SLC35F2: variants seen among roughly 807,000 people sequenced by gnomAD.
SLC35F2 encodes solute carrier family 35 member F2, also known as queuine/queuosine transporter SLC35F2.
SLC35F2 carries 25 observed loss-of-function variants against 38.1 expected under a neutral mutation model. The observed-to-expected ratio is 0.66, with a 90% CI of 0.48 to 0.92. SLC35F2 has a LOEUF of 0.92. SLC35F2 is among the 40% of genes least tolerant of loss of function. The pLI is 0.00. For missense variants in SLC35F2, 409 were observed against 452.9 expected (o/e 0.90, Z 0.88); for synonymous variants, 173 against 181.7 (o/e 0.95, Z 0.38).
At chr11:107,811,537 A>C in intron 3 of SLC35F2, 130 bp downstream of exon 3, 1 of 844,638 alleles carries the variant, frequency 1.2e-6, no homozygotes. Flanking sequence ...TCTACTAGAA[A>C]ACAGCATCCA....
chr11:107,805,033 G>T (rs1859371204), intron 5 of SLC35F2: 1 of 984,246 alleles, frequency 1.0e-6, no homozygotes, highest in Non-Finnish European at 1.2e-6. Context: ...CTTTGTTTTT[G>T]AATAAGCTTA....
At chr11:107,813,147 T>A (rs1441118112) in intron 2 of SLC35F2, among the ~76,000 whole-genome samples, 1 of 152,048 alleles carries the variant, frequency 6.6e-6, no homozygotes, top group Admixed American at 6.6e-5. Context: ...AGGAACATCT[T>A]GAAAACACAG....
chr11:107,805,526 A>T lies in SLC35F2; in HGVS notation c.575-11T>A. 6.2e-7 allele frequency: 1 copy of T among 1,609,370 alleles called. No homozygotes were observed. The highest frequency in any genetic ancestry group is 8.5e-7 in the Non-Finnish European group (1 of 1,178,258). On this transcript the variant is annotated splice_polypyrimidine_tract_variant and intron_variant, in intron 4 of 7. Transcript: ENST00000525815. Reference sequence around the variant, plus strand: ...TCAATACATCACTCCCTGCAGGAAGACAAGCCACAGAAAGCAAAACACTGT... The same window carrying T: ...TCAATACATCACTCCCTGCAGGAAGTCAAGCCACAGAAAGCAAAACACTGT...
At chr11:107,846,625 C>T (rs1860107927) in intron 1 of SLC35F2, among the ~76,000 whole-genome samples, 1 of 152,088 alleles carries the variant, frequency 6.6e-6, no homozygotes, top group South Asian at 2.1e-4. Flanking sequence ...TAGTGTCATT[C>T]AACTAGATTT....
At chr11:107,831,785 G>C (rs1859846409) in intron 1 of SLC35F2, among the ~76,000 whole-genome samples, 1 of 152,164 alleles carries the variant, frequency 6.6e-6, no homozygotes, top group Non-Finnish European at 1.5e-5. Flanking sequence ...CCAGAGACTG[G>C]TCACTACCAA....
chr11:107,848,657 G>A (rs973953449), intron 1 of SLC35F2, among the ~76,000 whole-genome samples: 2 of 152,184 alleles, frequency 1.3e-5, no homozygotes, highest in Non-Finnish European at 2.9e-5. Context: ...TCCAGACTGT[G>A]AGAAATAAGT....
chr11:107,797,857 T>G (rs1357730883), intron 7 of SLC35F2, among the ~76,000 whole-genome samples: 1 of 152,198 alleles, frequency 6.6e-6, no homozygotes, highest in Non-Finnish European at 1.5e-5. Flanking sequence ...TTCTTGGATC[T>G]AATACATAGC....
intron 3 of SLC35F2, among the ~76,000 whole-genome samples, chr11:107,807,327 GT>G (rs1432825047): frequency 6.7e-6 from 1 of 149,964 alleles, no homozygotes; most frequent in Non-Finnish European, 1.5e-5. Context: ...GTGCACTCCT[GT>G]AGTCCCAGCT....
chr11:107,794,313 T>G (rs1029412492), intron 7 of SLC35F2, among the ~76,000 whole-genome samples: 3 of 152,070 alleles, frequency 2.0e-5, no homozygotes, highest in Non-Finnish European at 4.4e-5. Context: ...ACACCAGACC[T>G]TGTGATCCGC....
At chr11:107,798,679 G>A (rs1397747872) in intron 7 of SLC35F2, among the ~76,000 whole-genome samples, 2 of 152,298 alleles carry the variant, frequency 1.3e-5, no homozygotes, top group South Asian at 2.1e-4. Flanking sequence ...AAAAAATTCT[G>A]AGCCTCTTTT....
At chr11:107,826,294 G>A (rs1181340014) in intron 1 of SLC35F2, among the ~76,000 whole-genome samples, 1 of 104,442 alleles carries the variant, frequency 9.6e-6, no homozygotes, top group African/African-American at 4.5e-5. Flanking sequence ...TTTTTTTTTT[G>A]AGATGCAGTT....
At chr11:107,837,054 C>T (rs573437222) in intron 1 of SLC35F2, among the ~76,000 whole-genome samples, 2 of 152,218 alleles carry the variant, frequency 1.3e-5, no homozygotes, top group African/African-American at 2.4e-5. Context: ...GGCCATCAAG[C>T]CAGAAACTGC....
rs1247142344 is a variant in SLC35F2 at position 107,792,644 on chromosome 11, G to A, written c.1096C>T (p.Leu366Phe). 6.2e-7 allele frequency: 1 copy of A among 1,613,086 alleles called. No individual in the cohort carries two copies. The highest frequency in any genetic ancestry group is 8.5e-7 in the Non-Finnish European group (1 of 1,179,730). ...AAGACAGCAGAGTGGGTCTCCTGGAGGTTCTCCTCCAGCTTCAGCCCCAGG... is the reference window on the plus strand; with the variant it reads ...AAGACAGCAGAGTGGGTCTCCTGGAAGTTCTCCTCCAGCTTCAGCCCCAGG... ...DNLGLKLEEN[L>F]QETHSAVL Residue 366 changes from leucine to phenylalanine, a missense_variant, in exon 8 of 8, where the codon CTC (leucine) becomes TTC (phenylalanine). Leu to Phe is a conservative substitution (Grantham distance 22). Coordinates refer to ENST00000525815, the MANE Select transcript of SLC35F2 (RefSeq NM_017515.5).
rs375857760 is a variant in SLC35F2 at position 107,803,171 on chromosome 11, T to A, written c.785-16A>T. 2.3e-5 allele frequency: 36 copies of A among 1,589,288 alleles called. No homozygotes were observed. In the African/African-American group the frequency reaches 4.4e-4, roughly 19 times the overall value. On this transcript the variant is annotated splice_polypyrimidine_tract_variant and intron_variant, in intron 6 of 7. Transcript: ENST00000525815. ...AACAGCAGGGCTGTGGAAAAAAACATGGAATATCTAATATTAGGGCAAGAA... is the reference window on the plus strand; with the variant it reads ...AACAGCAGGGCTGTGGAAAAAAACAAGGAATATCTAATATTAGGGCAAGAA...
At chr11:107,857,995 A>C (rs985957195) in intron 1 of SLC35F2, among the ~76,000 whole-genome samples, 1 of 152,212 alleles carries the variant, frequency 6.6e-6, no homozygotes, top group African/African-American at 2.4e-5. Flanking sequence ...CAAGTCCTCC[A>C]GCAACCACAG....
intron 1 of SLC35F2, among the ~76,000 whole-genome samples, chr11:107,817,057 C>T (rs1426393005): frequency 6.6e-6 from 1 of 152,146 alleles, no homozygotes; most frequent in Non-Finnish European, 1.5e-5. Flanking sequence ...GCAGGCAGAT[C>T]ACTTGAGGTT....
In SLC35F2 at chr11:107,837,738, T is replaced by C. The variant is rs76126252; in HGVS notation, c.110+20920A>G. On this transcript the variant is annotated intron_variant, in intron 1 of 7. Coordinates refer to ENST00000525815, the MANE Select transcript of SLC35F2 (RefSeq NM_017515.5). The stretch of plus-strand genomic sequence containing the variant: ...AAATTAATTGTGGGAATAAAGATAG[T>C]AAGAAAGGCACCCACTACCAGAATG... 1.4e-4 allele frequency among the ~76,000 whole-genome samples: 21 copies of C among 152,088 alleles called. No individual in the cohort carries two copies. In the East Asian group the frequency reaches 3.9e-3, roughly 28 times the overall value.
chr11:107,827,936 T>C (rs1259400920), intron 1 of SLC35F2, among the ~76,000 whole-genome samples: 2 of 151,892 alleles, frequency 1.3e-5, no homozygotes, highest in African/African-American at 2.4e-5. Flanking sequence ...ATTAATTAAG[T>C]AAACAAAAAT....
At chr11:107,834,858 GAATTAT>G (rs1859904793) in intron 1 of SLC35F2, among the ~76,000 whole-genome samples, 1 of 151,908 alleles carries the variant, frequency 6.6e-6, no homozygotes, top group Admixed American at 6.6e-5. Flanking sequence ...AGTTATTATG[GAATTAT>G]AATTATTATA....
Sources: allele counts gnomAD v4.1 joint callset (sites outside exome capture counted in the v4.1 genomes callset), GRCh38; gene constraint gnomAD v4.1.1; transcripts MANE v1.5; gene names NCBI Gene and HGNC (gene_info 2026-07-23, HGNC 2026-07-21).